SHANK2: variants seen among roughly 807,000 people sequenced by gnomAD.
SHANK2 encodes SH3 and multiple ankyrin repeat domains protein 2.
SHANK2 carries 43 observed loss-of-function variants against 133.7 expected under a neutral mutation model. The observed-to-expected ratio is 0.32, with a 90% CI of 0.25 to 0.41. The LOEUF (loss-of-function observed/expected upper bound fraction) is 0.41, where lower values mean the gene tolerates loss of function less well. SHANK2 is among the 10% of genes least tolerant of loss of function. SHANK2 has a pLI of 1.00. For missense variants in SHANK2, 1,994 were observed against 2,235.8 expected (o/e 0.89, Z 2.18); for synonymous variants, 1,017 against 952.8 (o/e 1.07, Z -1.24).
intron 17 of SHANK2, among the ~76,000 whole-genome samples, chr11:70,609,042 AG>A (rs1275961478): frequency 6.6e-6 from 1 of 152,246 alleles, no homozygotes; most frequent in Non-Finnish European, 1.5e-5. Flanking sequence ...AGACGTCTCA[AG>A]GGAAACCTGT....
intron 14 of SHANK2, among the ~76,000 whole-genome samples, chr11:70,749,755 G>A (rs1453886110): frequency 6.6e-6 from 1 of 151,920 alleles, no homozygotes; most frequent in Admixed American, 6.6e-5. Context: ...TAAAAGTGAC[G>A]AAGACAAGAC....
intron 14 of SHANK2, among the ~76,000 whole-genome samples, chr11:70,711,324 G>A (rs1351231539): frequency 9.2e-5 from 14 of 152,278 alleles, no homozygotes; most frequent in African/African-American, 2.4e-4. Context: ...TGCTGCACCC[G>A]AACGCCTCCC....
chr11:71,077,659 G>A (rs1951239411), intron 8 of SHANK2, among the ~76,000 whole-genome samples: 1 of 152,036 alleles, frequency 6.6e-6, no homozygotes, highest in African/African-American at 2.4e-5. Context: ...AACCCCTGGT[G>A]GTTGAGGCAC....
At chr11:70,884,962 C>T (rs2135594610) in intron 11 of SHANK2, among the ~76,000 whole-genome samples, 1 of 152,288 alleles carries the variant, frequency 6.6e-6, no homozygotes, top group South Asian at 2.1e-4. Flanking sequence ...CTCAGGCGAT[C>T]CACCCACCTC....
intron 17 of SHANK2, among the ~76,000 whole-genome samples, chr11:70,525,012 G>A (rs1258738264): frequency 1.3e-5 from 2 of 152,258 alleles, no homozygotes. Context: ...CTTCTAGTGG[G>A]GACCAGAGTA....
chr11:70,949,765 G>A (rs901940375), intron 10 of SHANK2, among the ~76,000 whole-genome samples: 2 of 152,204 alleles, frequency 1.3e-5, no homozygotes, highest in African/African-American at 2.4e-5. Context: ...AGCCTCTCTG[G>A]GCTCCCAAGG....
At chr11:70,475,466 G>T (rs527790339) in intron 25 of SHANK2, among the ~76,000 whole-genome samples, 1 of 152,150 alleles carries the variant, frequency 6.6e-6, no homozygotes, top group Non-Finnish European at 1.5e-5. Flanking sequence ...GTCTCTCTCC[G>T]TTTTTTTCTT....
intron 15 of SHANK2, among the ~76,000 whole-genome samples, chr11:70,696,585 C>T (rs782687054): frequency 6.6e-5 from 10 of 152,182 alleles, no homozygotes; most frequent in Non-Finnish European, 1.2e-4. Context: ...GCGTTTGTGG[C>T]CAGGCCATGG....
At chr11:71,101,432 C>A (rs1246460208) in intron 6 of SHANK2, among the ~76,000 whole-genome samples, 2 of 152,214 alleles carry the variant, frequency 1.3e-5, no homozygotes, top group Non-Finnish European at 2.9e-5. Context: ...AAAAACAGGT[C>A]TCTTTTTATG....
chr11:70,683,886 C>A (rs556050197), intron 15 of SHANK2, among the ~76,000 whole-genome samples: 2 of 151,850 alleles, frequency 1.3e-5, no homozygotes, highest in Non-Finnish European at 2.9e-5. Flanking sequence ...TGGGTTCAAA[C>A]GATTCTCGTG....
chr11:70,584,923 G>A (rs1554986357), intron 17 of SHANK2, among the ~76,000 whole-genome samples: 1 of 152,256 alleles, frequency 6.6e-6, no homozygotes, highest in Non-Finnish European at 1.5e-5. Flanking sequence ...GTTCTGAAAA[G>A]AGTGGCAGTG....
At position 71,159,249 on chromosome 11, in the gene SHANK2, G is replaced by C. The variant is rs116221157; in HGVS notation, c.-12-11911C>G. Among the ~76,000 whole-genome samples the C allele has an allele frequency of 8.3e-3, 1,267 of 152,264 alleles. 20 individuals carry two copies. Among genetic ancestry groups the C allele is most frequent in the African/African-American group, 0.029 (1,222 of 41,538 alleles). Reference sequence around the variant, plus strand: ...TCCTTGCCTTTCTCGCATGTTGGTGGTGACCTGTACTCTGACACTCATGGC... The same window carrying C: ...TCCTTGCCTTTCTCGCATGTTGGTGCTGACCTGTACTCTGACACTCATGGC... On this transcript the variant is annotated intron_variant, in intron 2 of 25. Coordinates refer to ENST00000601538, the MANE Select transcript of SHANK2 (RefSeq NM_012309.5).
At chr11:70,928,783 G>A (rs886460524) in intron 10 of SHANK2, among the ~76,000 whole-genome samples, 2 of 152,124 alleles carry the variant, frequency 1.3e-5, no homozygotes, top group Non-Finnish European at 2.9e-5. Context: ...GCCCACCTAC[G>A]ACCGTGAACC....
At chr11:70,494,901 G>A (rs1247007198) in intron 21 of SHANK2, among the ~76,000 whole-genome samples, 3 of 152,274 alleles carry the variant, frequency 2.0e-5, no homozygotes, top group South Asian at 2.1e-4. Context: ...CCCTGCTCAT[G>A]CATTCTCTCC....
At chr11:70,893,357 C>A (rs1316903638) in intron 11 of SHANK2, among the ~76,000 whole-genome samples, 4 of 152,218 alleles carry the variant, frequency 2.6e-5, no homozygotes, top group Non-Finnish European at 1.5e-5. Flanking sequence ...CTGGCCCCTG[C>A]CAGAGGGGCG....
chr11:70,612,975 C>T (rs1173182261), intron 17 of SHANK2, among the ~76,000 whole-genome samples: 1 of 152,154 alleles, frequency 6.6e-6, no homozygotes, highest in Non-Finnish European at 1.5e-5. Flanking sequence ...GCATCCGGAT[C>T]CTTTCTTGTT....
chr11:70,822,043 A>C (rs1047811707), intron 11 of SHANK2, among the ~76,000 whole-genome samples: 2 of 152,236 alleles, frequency 1.3e-5, no homozygotes, highest in African/African-American at 4.8e-5. Context: ...AGAGCTCCAG[A>C]GCCTAAGACA....
chr11:70,932,632 A>G (rs999809308), intron 10 of SHANK2, among the ~76,000 whole-genome samples: 6 of 152,226 alleles, frequency 3.9e-5, no homozygotes, highest in Non-Finnish European at 5.9e-5. Flanking sequence ...CACACTGACC[A>G]AAGCAAATGC....
At chr11:70,702,165 A>G (rs564036445) in intron 14 of SHANK2, among the ~76,000 whole-genome samples, 4 of 149,910 alleles carry the variant, frequency 2.7e-5, no homozygotes, top group Admixed American at 2.7e-4. Context: ...CATCACCAAC[A>G]TCATCACCAT....
Sources: allele counts gnomAD v4.1 joint callset (sites outside exome capture counted in the v4.1 genomes callset), GRCh38; gene constraint gnomAD v4.1.1; transcripts MANE v1.5; gene names NCBI Gene and HGNC (gene_info 2026-07-23, HGNC 2026-07-21).